The following STEAP3 variants were observed in gnomAD, a reference collection of about 807,000 sequenced individuals.
STEAP3 encodes the protein STEAP3 metalloreductase.
Under a neutral mutation model 34.9 loss-of-function variants are expected in STEAP3, and 35 were observed. The ratio of observed to expected loss-of-function variants is 1.00; its 90% confidence interval spans 0.76 to 1.33. STEAP3 has a LOEUF of 1.33. STEAP3 is among the 40% of genes most tolerant of loss of function. The pLI, the probability that STEAP3 is intolerant of heterozygous loss-of-function variation, is 0.00. For missense variants in STEAP3, 652 were observed against 667.6 expected, an observed-to-expected ratio of 0.98 and a Z score of 0.26; for synonymous variants, 281 against 301.6, an observed-to-expected ratio of 0.93 and a Z score of 0.71.
chr2:119,247,879 C>G lies in STEAP3; in HGVS notation c.723C>G (p.Phe241Leu). ...GLFVCFYAYNFVRDVLQPYVQ... is the reference protein window; with the variant it reads ...GLFVCFYAYNLVRDVLQPYVQ... ...TCGTCTGCTTCTATGCCTACAACTT[C>G]GTCCGGGACGTTCTGCAGCCCTATG... The change falls in exon 4 of 6, where the codon TTC becomes TTG. Residue 241 changes from phenylalanine (F) to leucine (L), a missense_variant. Phe to Leu is a conservative substitution (Grantham distance 22). Transcript: ENST00000393110. The G allele has an allele frequency of 6.2e-6, 10 of 1,613,866 alleles. No individual in the cohort carries two copies. Among genetic ancestry groups the G allele is most frequent in the Non-Finnish European group, 7.6e-6 (9 of 1,180,014 alleles).
At chr2:119,245,383 G>C in intron 2 of STEAP3, 106 bp from the exon 3 acceptor site, 1 of 1,477,658 alleles carries the variant, frequency 6.8e-7, no homozygotes, top group Non-Finnish European at 9.1e-7. Flanking sequence ...ACACCTGCTG[G>C]GTGAATGTCT....
intron 4 of STEAP3, among the ~76,000 whole-genome samples, chr2:119,252,948 C>G (rs1021393177): frequency 6.6e-6 from 1 of 152,150 alleles, no homozygotes; most frequent in African/African-American, 2.4e-5. Flanking sequence ...CTTCCCGAGG[C>G]GCAGAGAGGA....
At position 119,245,480 on chromosome 2, in the gene STEAP3, C is replaced by T; in HGVS notation, c.23-9C>T. 1 of 1,570,630 alleles carries T rather than the reference C, an allele frequency of 6.4e-7. No individual in the cohort carries two copies. The highest frequency in any genetic ancestry group is 8.7e-7 in the Non-Finnish European group (1 of 1,153,030). On this transcript the variant is annotated splice_polypyrimidine_tract_variant and intron_variant, in intron 2 of 5. Coordinates refer to ENST00000393110, the MANE Select transcript of STEAP3 (RefSeq NM_182915.3). ...CCTCCACTGACCAGGTTCCTGACTT[C>T]TCTTGCAGCCACCAAAATGCCAGAA...
intron 2 of STEAP3, 125 bp from the exon 3 acceptor site, chr2:119,245,364 A>T: frequency 1.4e-6 from 2 of 1,387,876 alleles, no homozygotes; most frequent in Non-Finnish European, 2.0e-6. Context: ...ACGTGGTAGC[A>T]CTCGGTGAAC....
At chr2:119,249,162 G>A (rs529383662) in intron 4 of STEAP3, 39 of 152,344 alleles carry the variant, frequency 2.6e-4, no homozygotes, top group African/African-American at 9.2e-4. Flanking sequence ...TGTTGTTGTT[G>A]TTCTTTGTTT....
At chr2:119,258,588 C>T (rs1224672168) in intron 5 of STEAP3, among the ~76,000 whole-genome samples, 1 of 142,278 alleles carries the variant, frequency 7.0e-6, no homozygotes, top group Admixed American at 7.2e-5. Context: ...GTTTTGTGTT[C>T]CTTTGGGTAT....
intron 2 of STEAP3, among the ~76,000 whole-genome samples, chr2:119,235,766 G>A (rs546381370): frequency 6.6e-6 from 1 of 152,250 alleles, no homozygotes; most frequent in Non-Finnish European, 1.5e-5. Context: ...CATGGAGGCA[G>A]AGGAGCAGTT....
rs139375487 is a variant in STEAP3 at position 119,232,954 on chromosome 2, G to A, written c.22+1920G>A. On this transcript the variant is annotated intron_variant, in intron 2 of 5. Transcript: ENST00000393110. ...TTCCTGTTGAATTTTGCTACTTGCG[G>A]GGAAGGCACTTCCCAGGCAAAAAGA... Among the ~76,000 whole-genome samples the A allele has an allele frequency of 2.9e-3, 442 of 152,312 alleles. 4 individuals carry two copies. Among genetic ancestry groups the A allele is most frequent in the African/African-American group, 0.01 (422 of 41,560 alleles).
intron 5 of STEAP3, chr2:119,257,545 A>G (rs750363839): frequency 4.5e-6 from 7 of 1,544,264 alleles, no homozygotes; most frequent in Non-Finnish European, 4.4e-6. Flanking sequence ...CCTGCCCCGC[A>G]TCATCAGACA....
At position 119,245,529 on chromosome 2, in the gene STEAP3, C is replaced by T; in HGVS notation, c.63C>T (p.Ser21=). Residue 21 remains serine, a synonymous_variant, in exon 3 of 6, where the codon AGC becomes AGT. Coordinates refer to ENST00000393110, the MANE Select transcript of STEAP3 (RefSeq NM_182915.3). ...AAGAGATGGACAAGCCACTGATCAG[C>T]CTCCACCTGGTGGACAGCGATAGTA... ...MPEEMDKPLI[S]LHLVDSDSSL... 1 of 1,598,266 alleles carries T rather than the reference C, an allele frequency of 6.3e-7. No homozygotes were observed. The highest frequency in any genetic ancestry group is 8.6e-7 in the Non-Finnish European group (1 of 1,167,444).
chr2:119,241,885 C>G (rs1011490222), intron 2 of STEAP3, among the ~76,000 whole-genome samples: 2 of 152,186 alleles, frequency 1.3e-5, no homozygotes, highest in Non-Finnish European at 2.9e-5. Context: ...AGTTTTGTTT[C>G]GAGGTAAATC....
In STEAP3 at chr2:119,256,003, G is replaced by A. The variant is rs565392203; in HGVS notation, c.1215+1155G>A. On this transcript the variant is annotated intron_variant, in intron 5 of 5. Transcript: ENST00000393110. The stretch of plus-strand genomic sequence containing the variant: ...CCACACAGAATCTGCGGTCAGTGTT[G>A]GCGGATTAACTCCTCCCCTCCCATG... Among the ~76,000 whole-genome samples the A allele has an allele frequency of 4.9e-3, 741 of 152,276 alleles. 10 individuals are homozygous for A. Among genetic ancestry groups the A allele is most frequent in the Non-Finnish European group, 5.9e-3 (399 of 68,022 alleles).
intron 1 of STEAP3, among the ~76,000 whole-genome samples, chr2:119,226,699 G>A (rs904531991): frequency 2.0e-5 from 3 of 152,020 alleles, no homozygotes; most frequent in African/African-American, 7.3e-5. Flanking sequence ...CACAGGTCCC[G>A]GGCCTCTTTG....
At chr2:119,261,398 T>A (rs750713018) in intron 5 of STEAP3, among the ~76,000 whole-genome samples, 13 of 152,252 alleles carry the variant, frequency 8.5e-5, no homozygotes, top group South Asian at 2.1e-4. Context: ...AATGCATATG[T>A]GTTCATTGCT....
chr2:119,251,269 G>T (rs907307337), intron 4 of STEAP3, among the ~76,000 whole-genome samples: 1 of 152,146 alleles, frequency 6.6e-6, no homozygotes, highest in Non-Finnish European at 1.5e-5. Flanking sequence ...CTAGGCCCTT[G>T]GGTCAAGGGA....
intron 1 of STEAP3, among the ~76,000 whole-genome samples, chr2:119,230,200 G>A (rs183199093): frequency 6.6e-6 from 1 of 152,288 alleles, no homozygotes; most frequent in Non-Finnish European, 1.5e-5. Context: ...CTTCAACAAT[G>A]CAAAAGCTTC....
chr2:119,256,627 T>C lies in STEAP3; in HGVS notation c.1215+1779T>C, dbSNP rs1677781674. Among the ~76,000 whole-genome samples the C allele has an allele frequency of 2.0e-5, 3 of 152,184 alleles. No individual in the cohort carries two copies. The South Asian group carries it at 6.2e-4, about 32-fold the overall frequency. The stretch of plus-strand genomic sequence containing the variant: ...ACATATTAAAGAGTGGAAATACAAA[T>C]AGGACAGTCCTTTTGCCACTGCAAG... On this transcript the variant is annotated intron_variant, in intron 5 of 5. Transcript: ENST00000393110.
At chr2:119,224,103 C>T (rs1289817873) in intron 1 of STEAP3, among the ~76,000 whole-genome samples, 1 of 152,178 alleles carries the variant, frequency 6.6e-6, no homozygotes, top group East Asian at 1.9e-4. Context: ...CTTCCCTAGG[C>T]GTGGAAGCCG....
At chr2:119,254,899 C>G (rs1217045264) in intron 5 of STEAP3, 51 bp downstream of exon 5, 1 of 1,585,440 alleles carries the variant, frequency 6.3e-7, no homozygotes, top group South Asian at 1.1e-5. Flanking sequence ...CCTGGCCCAC[C>G]TCTCATGAGT....
Sources: gnomAD v4.1 joint callset for allele counts (sites outside exome capture counted in the v4.1 genomes callset) on GRCh38, gnomAD v4.1.1 for gene constraint, MANE v1.5 for transcripts, NCBI Gene and HGNC (gene_info 2026-07-23, HGNC 2026-07-21) for gene names.